BBS9: variants seen among roughly 807,000 people sequenced by gnomAD.
BBS9 encodes Bardet-Biedl syndrome 9, also known as protein PTHB1.
A neutral mutation model predicts 117.7 loss-of-function variants in BBS9; 89 were observed. That is an observed-to-expected ratio of 0.76 (90% CI 0.64 to 0.90). The LOEUF is 0.90. Among genes scored for constraint, BBS9 ranks in the 40% least tolerant of loss-of-function variants. The pLI, the probability that BBS9 is intolerant of heterozygous loss-of-function variation, is 0.00. For synonymous variants in BBS9, 379 were observed against 370.9 expected, an observed-to-expected ratio of 1.02 and a Z score of -0.25; for missense variants, 982 against 1,042.2, an observed-to-expected ratio of 0.94 and a Z score of 0.80.
chr7:33,364,887 C>T (rs1344965523), intron 16 of BBS9, among the ~76,000 whole-genome samples: 1 of 151,014 alleles, frequency 6.6e-6, no homozygotes, highest in Non-Finnish European at 1.5e-5. Flanking sequence ...TGCCATCACA[C>T]CTGGCTAATT....
intron 19 of BBS9, among the ~76,000 whole-genome samples, chr7:33,404,468 A>T (rs1436847599): frequency 1.3e-5 from 2 of 152,018 alleles, no homozygotes; most frequent in African/African-American, 2.4e-5. Context: ...GATTCTTCCT[A>T]CCCATGAGCA....
At chr7:33,508,249 C>T (rs899064859) in intron 20 of BBS9, among the ~76,000 whole-genome samples, 2 of 152,218 alleles carry the variant, frequency 1.3e-5, no homozygotes, top group African/African-American at 2.4e-5. Context: ...CTATGTATCA[C>T]TCTTTTTCTT....
rs200515072 is a variant in BBS9, at chr7:33,388,099, C to T, written c.2070C>T (p.Ala690=). 1.2e-6 allele frequency: 2 copies of T among 1,614,110 alleles called. No homozygotes were observed. Among genetic ancestry groups the T allele is most frequent in the Non-Finnish European group, 1.7e-6 (2 of 1,179,988 alleles). The change falls in exon 19 of 23, where the codon GCC becomes GCT. Residue 690 remains alanine, a synonymous_variant. Transcript: ENST00000242067. ...LLARFKDKTP[A]PLQHLDTLLD... ...CAAGATTCAAAGATAAAACTCCTGC[C>T]CCTCTTCAACACCTGGACACCTTGT...
At chr7:33,330,733 A>G (rs1468680630) in intron 9 of BBS9, among the ~76,000 whole-genome samples, 1 of 152,230 alleles carries the variant, frequency 6.6e-6, no homozygotes, top group Non-Finnish European at 1.5e-5. Context: ...CTGAAATTAC[A>G]AAATTACCAA....
intron 21 of BBS9, among the ~76,000 whole-genome samples, chr7:33,602,286 T>C (rs1028549320): frequency 6.6e-6 from 1 of 152,074 alleles, no homozygotes; most frequent in Non-Finnish European, 1.5e-5. Flanking sequence ...GAGGGGGAAT[T>C]CTCTGCTCAG....
intron 9 of BBS9, among the ~76,000 whole-genome samples, chr7:33,310,719 T>C (rs1809030311): frequency 6.6e-6 from 1 of 152,188 alleles, no homozygotes; most frequent in African/African-American, 2.4e-5. Context: ...TGTTGTTTGT[T>C]TTTTGTATTT....
chr7:33,433,705 A>T (rs768765782), intron 19 of BBS9, among the ~76,000 whole-genome samples: 1 of 152,140 alleles, frequency 6.6e-6, no homozygotes. Flanking sequence ...TGTAGAGTAG[A>T]TCTTTTTTAT....
At position 33,611,303 on chromosome 7, in the gene BBS9, T is replaced by C. The variant is rs1248088686; in HGVS notation, c.2522-23874T>C. ...AAGAACAGTTGGAACTAAATTCTTTTATGTAAACAAAAAAATCTAGAAACT... is the reference window on the plus strand; with the variant it reads ...AAGAACAGTTGGAACTAAATTCTTTCATGTAAACAAAAAAATCTAGAAACT... On this transcript the variant is annotated intron_variant, in intron 21 of 21. Transcript: ENST00000671952. Among the ~76,000 whole-genome samples, 10 of 151,668 alleles carry C rather than the reference T, an allele frequency of 6.6e-5. No individual in the cohort carries two copies. The East Asian group carries it at 1.9e-3, about 29-fold the overall frequency.
chr7:33,182,436 A>T (rs1798224681), intron 5 of BBS9, among the ~76,000 whole-genome samples: 1 of 152,204 alleles, frequency 6.6e-6, no homozygotes, highest in Admixed American at 6.5e-5. Flanking sequence ...CTTACTTAAA[A>T]TCTAACGGCT....
intron 21 of BBS9, among the ~76,000 whole-genome samples, chr7:33,601,223 C>T (rs1043492873): frequency 2.0e-5 from 3 of 152,126 alleles, no homozygotes; most frequent in Non-Finnish European, 4.4e-5. Context: ...CTGCCCTCCT[C>T]GAGGCGAGAC....
At chr7:33,585,075 C>G (rs1196119693) in intron 21 of BBS9, among the ~76,000 whole-genome samples, 1 of 152,038 alleles carries the variant, frequency 6.6e-6, no homozygotes, top group Non-Finnish European at 1.5e-5. Context: ...TAAATCCTAT[C>G]TACTCTAATG....
intron 9 of BBS9, among the ~76,000 whole-genome samples, chr7:33,333,760 G>A (rs1439304337): frequency 1.3e-5 from 2 of 151,922 alleles, no homozygotes; most frequent in East Asian, 1.9e-4. Flanking sequence ...GTAGGTGCCT[G>A]CCACCCACAC....
At chr7:33,535,260 C>T (rs111604392) in intron 21 of BBS9, among the ~76,000 whole-genome samples, 138 of 152,210 alleles carry the variant, frequency 9.1e-4, no homozygotes, top group African/African-American at 3.3e-3. Context: ...AATGTAATAA[C>T]GCTTGCCCTG....
chr7:33,295,993 A>T (rs1225370591), intron 9 of BBS9, among the ~76,000 whole-genome samples: 1 of 152,118 alleles, frequency 6.6e-6, no homozygotes. Flanking sequence ...TGAGTAAGAA[A>T]AATCCCAACA....
chr7:33,580,432 A>T (rs965222868), intron 21 of BBS9, among the ~76,000 whole-genome samples: 1 of 152,166 alleles, frequency 6.6e-6, no homozygotes, highest in Admixed American at 6.6e-5. Flanking sequence ...AAGTAATTTT[A>T]TAGAAGTAGA....
At chr7:33,518,343 C>T (rs1000574511) in intron 20 of BBS9, among the ~76,000 whole-genome samples, 57 of 150,282 alleles carry the variant, frequency 3.8e-4, no homozygotes, top group Non-Finnish European at 6.5e-4. Context: ...CTCTGCCTCC[C>T]GGGTTCAAAC....
At chr7:33,399,099 A>G (rs749830881) in intron 19 of BBS9, among the ~76,000 whole-genome samples, 1 of 152,218 alleles carries the variant, frequency 6.6e-6, no homozygotes, top group Non-Finnish European at 1.5e-5. Flanking sequence ...GGTTTATTTT[A>G]TATGTGCAGC....
intron 9 of BBS9, among the ~76,000 whole-genome samples, chr7:33,284,333 T>C (rs1215250641): frequency 3.3e-5 from 5 of 152,226 alleles, no homozygotes. Flanking sequence ...TGGTAAGTTT[T>C]GCTGTATTAT....
intron 5 of BBS9, among the ~76,000 whole-genome samples, chr7:33,237,141 C>T (rs1010471997): frequency 7.2e-5 from 11 of 152,320 alleles, no homozygotes; most frequent in Middle Eastern, 3.4e-3. Context: ...TGAAATCTCA[C>T]TCTTGTGCCA....
Sources: allele counts gnomAD v4.1 joint callset (sites outside exome capture counted in the v4.1 genomes callset), GRCh38; gene constraint gnomAD v4.1.1; transcripts MANE v1.5; gene names NCBI Gene and HGNC (gene_info 2026-07-23, HGNC 2026-07-21).